The following MKLN1 variants were observed in gnomAD, a reference collection of about 807,000 sequenced individuals.
MKLN1 encodes muskelin 1.
In MKLN1, 18 loss-of-function variants were observed where a neutral mutation model predicts 99.0. That is an observed-to-expected ratio of 0.18 (90% confidence interval 0.13 to 0.27). The LOEUF (loss-of-function observed/expected upper bound fraction) is 0.27, where lower values mean the gene tolerates loss of function less well. Ranked by LOEUF, MKLN1 falls within the 10% of genes least tolerant of loss-of-function variation. The pLI is 1.00. For missense variants in MKLN1, 621 were observed against 875.9 expected (o/e 0.71, Z 3.67); for synonymous variants, 288 against 293.2 (o/e 0.98, Z 0.18).
At chr7:131,373,706 G>A (rs969583446) in intron 1 of MKLN1, among the ~76,000 whole-genome samples, 2 of 152,022 alleles carry the variant, frequency 1.3e-5, no homozygotes, top group African/African-American at 4.8e-5. Context: ...TGTTCTTTAC[G>A]CAGTTTTCCC....
intron 3 of MKLN1, among the ~76,000 whole-genome samples, chr7:131,256,175 G>A (rs1797655305): frequency 1.3e-5 from 2 of 152,006 alleles, no homozygotes; most frequent in African/African-American, 4.8e-5. Context: ...CAAAGTGCTG[G>A]GATTATAGGT....
At chr7:131,347,031 T>A (rs1214193085) in intron 1 of MKLN1, among the ~76,000 whole-genome samples, 2 of 152,210 alleles carry the variant, frequency 1.3e-5, no homozygotes, top group Non-Finnish European at 2.9e-5. Context: ...TTGACTGGGA[T>A]ACAGGACTTG....
chr7:131,126,408 T>C (rs1795458526), intron 1 of MKLN1, among the ~76,000 whole-genome samples: 1 of 152,172 alleles, frequency 6.6e-6, no homozygotes, highest in African/African-American at 2.4e-5. Context: ...ATAGAGTCAT[T>C]TAACTATAGC....
chr7:131,293,839 G>C (rs183927692), intron 3 of MKLN1, among the ~76,000 whole-genome samples: 2 of 152,200 alleles, frequency 1.3e-5, no homozygotes, highest in Admixed American at 1.3e-4. Context: ...AAAAGTCAGT[G>C]TCATGAAAAG....
At chr7:131,181,756 T>A (rs1421287158) in intron 2 of MKLN1, among the ~76,000 whole-genome samples, 1 of 150,118 alleles carries the variant, frequency 6.7e-6, no homozygotes, top group Non-Finnish European at 1.5e-5. Flanking sequence ...ACCTCCTGGG[T>A]TCAAGCAATT....
At chr7:131,401,394 CA>C (rs1198435420) in intron 6 of MKLN1, among the ~76,000 whole-genome samples, 3 of 152,154 alleles carry the variant, frequency 2.0e-5, no homozygotes. Context: ...CACCTAGGGA[CA>C]GGAATGTTTT....
chr7:131,465,096 C>T (rs933933403), intron 14 of MKLN1, among the ~76,000 whole-genome samples: 4 of 151,976 alleles, frequency 2.6e-5, no homozygotes, highest in Non-Finnish European at 4.4e-5. Context: ...CTTTTATAAC[C>T]TCTCAATTTA....
intron 1 of MKLN1, among the ~76,000 whole-genome samples, chr7:131,141,779 C>G (rs1233835945): frequency 5.3e-5 from 8 of 152,160 alleles, no homozygotes. Flanking sequence ...CAGTACTTAT[C>G]TCTTCATAAC....
At position 131,327,937 on chromosome 7, in the gene MKLN1, G is replaced by T. The variant is rs199839067; in HGVS notation, c.38G>T (p.Cys13Phe). ...AGGAVAAAPE[C>F]RLLPYALHKW... ...GGAGCTGTCGCTGCGGCGCCCGAGT[G>T]CCGGCTTCTCCCCTACGCGCTACAC... Residue 13 changes from cysteine to phenylalanine, a missense_variant, in exon 1 of 18, where the codon TGC becomes TTC. Around this residue, in one of 8 missense-constraint regions of MKLN1, gnomAD observed 58 missense variants for 40.0 expected, o/e 1.45. Coordinates refer to ENST00000352689, the MANE Select transcript of MKLN1 (RefSeq NM_013255.5). The T allele has an allele frequency of 4.3e-5, 69 of 1,613,578 alleles. No homozygotes were observed. Among genetic ancestry groups the T allele is most frequent in the Non-Finnish European group, 4.9e-5 (58 of 1,179,860 alleles).
chr7:131,317,093 A>C (rs1333984248), intron 3 of MKLN1, among the ~76,000 whole-genome samples: 1 of 152,204 alleles, frequency 6.6e-6, no homozygotes, highest in Non-Finnish European at 1.5e-5. Context: ...CAAATTCAGG[A>C]AATACAGAGA....
chr7:131,479,001 A>G (rs533728302), intron 17 of MKLN1: 1 of 260,620 alleles, frequency 3.8e-6, no homozygotes, highest in East Asian at 8.6e-5. Context: ...ACTATGAGAT[A>G]ATACTTGTTG....
At chr7:131,128,157 T>C (rs1795491251) in intron 1 of MKLN1, among the ~76,000 whole-genome samples, 1 of 147,294 alleles carries the variant, frequency 6.8e-6, no homozygotes, top group Non-Finnish European at 1.5e-5. Context: ...AAGTGGTCCA[T>C]ATGCAGCTTG....
rs1218439431 is a variant in MKLN1 at position 131,493,261 on chromosome 7, CA to C, written c.*5536del. 2 of 152,106 alleles carry C rather than the reference CA, an allele frequency of 1.3e-5. No individual in the cohort carries two copies. Among genetic ancestry groups the C allele is most frequent in the African/African-American group, 4.8e-5 (2 of 41,424 alleles). 9.4% of individuals were successfully genotyped at this position (152,106 alleles called of 1,614,324 possible). On this transcript the variant is annotated 3_prime_UTR_variant, in exon 18 of 18. Transcript: ENST00000352689. ...CAGTGAACTATTAAACATTTGTGTG[CA>C]AAGTCCTATTTTGCTTATCTAAGGC...
At chr7:131,153,781 GC>G (rs1447264104) in intron 2 of MKLN1, among the ~76,000 whole-genome samples, 8 of 150,276 alleles carry the variant, frequency 5.3e-5, no homozygotes, top group Non-Finnish European at 1.0e-4. Flanking sequence ...TCCTGCCTCA[GC>G]TTCCTGAGTA....
chr7:131,398,604 T>G (rs541287006), intron 5 of MKLN1, among the ~76,000 whole-genome samples: 1 of 151,966 alleles, frequency 6.6e-6, no homozygotes, highest in Non-Finnish European at 1.5e-5. Flanking sequence ...TGAGGCAGAA[T>G]TGCTTGAACC....
intron 9 of MKLN1, among the ~76,000 whole-genome samples, chr7:131,430,795 G>T (rs1022865332): frequency 6.6e-6 from 1 of 152,132 alleles, no homozygotes; most frequent in East Asian, 1.9e-4. Flanking sequence ...CGGTGTGGTG[G>T]CTCACACCTA....
chr7:131,185,889 A>C (rs191546589), intron 2 of MKLN1, among the ~76,000 whole-genome samples: 6 of 152,066 alleles, frequency 3.9e-5, no homozygotes, highest in Admixed American at 1.3e-4. Context: ...TGTTCTTCTA[A>C]TATTAATTTA....
At chr7:131,162,468 G>A (rs1298266704) in intron 2 of MKLN1, among the ~76,000 whole-genome samples, 2 of 152,270 alleles carry the variant, frequency 1.3e-5, no homozygotes, top group South Asian at 4.1e-4. Flanking sequence ...AGCACAGATT[G>A]TCCCATGGGT....
chr7:131,321,421 C>T (rs753471983), intron 3 of MKLN1, among the ~76,000 whole-genome samples: 18 of 151,946 alleles, frequency 1.2e-4, no homozygotes, highest in East Asian at 7.7e-4. Flanking sequence ...CGGGGCCAGT[C>T]GGGGTGGGGC....
Sources: allele counts gnomAD v4.1 joint callset (sites outside exome capture counted in the v4.1 genomes callset), GRCh38; gene constraint gnomAD v4.1.1; regional missense constraint gnomAD v4.1.1; transcripts MANE v1.5; gene names NCBI Gene and HGNC (gene_info 2026-07-23, HGNC 2026-07-21).